LOC400499: variants seen among roughly 807,000 people sequenced by gnomAD.
the LOC400499 span, among the ~76,000 whole-genome samples, chr16:11,487,099 A>G: frequency 6.6e-6 from 1 of 151,952 alleles, no homozygotes; most frequent in East Asian, 1.9e-4. Flanking sequence ...GAATTGATAG[A>G]TGTATGGACA....
chr16:11,442,083 C>A, the LOC400499 span: 82,222 of 152,080 alleles, frequency 0.54, 22,618 homozygotes, highest in South Asian at 0.63. Context: ...GTTAAAAATG[C>A]CTGCCAAGGA....
the LOC400499 span, among the ~76,000 whole-genome samples, chr16:11,389,427 A>G: frequency 2.2e-4 from 34 of 152,298 alleles, no homozygotes; most frequent in African/African-American, 7.0e-4. Flanking sequence ...CATGCCTCTA[A>G]TCCCAACACT....
chr16:11,427,111 A>C, the LOC400499 span, among the ~76,000 whole-genome samples: 3 of 151,796 alleles, frequency 2.0e-5, no homozygotes, highest in African/African-American at 7.3e-5. Flanking sequence ...TAATCCCAGC[A>C]CTTTGGGAGG....
chr16:11,378,259 T>C, the LOC400499 span, among the ~76,000 whole-genome samples: 6 of 126,458 alleles, frequency 4.7e-5, no homozygotes, highest in East Asian at 6.3e-4. Context: ...TTCTTTTTTT[T>C]TTTTTTTGCC....
the LOC400499 span, among the ~76,000 whole-genome samples, chr16:11,432,009 C>T: frequency 6.6e-6 from 1 of 152,200 alleles, no homozygotes; most frequent in African/African-American, 2.4e-5. Context: ...AGAAGTCTGA[C>T]CAGCCTGAGA....
the LOC400499 span, among the ~76,000 whole-genome samples, chr16:11,434,062 G>A: frequency 6.6e-6 from 1 of 152,194 alleles, no homozygotes; most frequent in South Asian, 2.1e-4. Context: ...GGGAGGACAG[G>A]AAGGGTCTAT....
chr16:11,504,501 C>T, the LOC400499 span, among the ~76,000 whole-genome samples: 1 of 151,982 alleles, frequency 6.6e-6, no homozygotes, highest in South Asian at 2.1e-4. Flanking sequence ...TTGCAGTGAG[C>T]CGAGATTACG....
At chr16:11,468,887 A>G in the LOC400499 span, among the ~76,000 whole-genome samples, 83 of 152,338 alleles carry the variant, frequency 5.4e-4, no homozygotes, top group Non-Finnish European at 9.6e-4. Flanking sequence ...TCGACCTCCC[A>G]AAATGCTGGG....
At chr16:11,391,972 C>T in the LOC400499 span, 2 of 473,662 alleles carry the variant, frequency 4.2e-6, no homozygotes, top group Non-Finnish European at 3.4e-6. Flanking sequence ...GGGACCTCTC[C>T]AACCTGAGCC....
chr16:11,470,449 G>A, the LOC400499 span, among the ~76,000 whole-genome samples: 8 of 152,076 alleles, frequency 5.3e-5, no homozygotes, highest in Admixed American at 6.6e-5. Flanking sequence ...ATCTTCCCTC[G>A]GCCTTTCCTA....
At chr16:11,497,669 C>T in the LOC400499 span, among the ~76,000 whole-genome samples, 2 of 152,226 alleles carry the variant, frequency 1.3e-5, no homozygotes, top group African/African-American at 4.8e-5. Context: ...ACAACTGGGC[C>T]AGCATGAGGC....
At chr16:11,461,435 G>T in the LOC400499 span, among the ~76,000 whole-genome samples, 1 of 152,196 alleles carries the variant, frequency 6.6e-6, no homozygotes, top group Non-Finnish European at 1.5e-5. Flanking sequence ...TGCCCAGGCT[G>T]GTCTTAAACT....
the LOC400499 span, chr16:11,476,980 G>C: frequency 5.0e-6 from 2 of 399,280 alleles, no homozygotes; most frequent in East Asian, 7.1e-5. Context: ...TGCATCCCGA[G>C]GGCCCTGGGG....
chr16:11,399,693 C>T, the LOC400499 span: 1 of 398,742 alleles, frequency 2.5e-6, no homozygotes, highest in African/African-American at 2.1e-5. Flanking sequence ...GCGGTCAGGC[C>T]CCACATACCT....
chr16:11,477,159 T>A, the LOC400499 span, among the ~76,000 whole-genome samples: 3 of 152,218 alleles, frequency 2.0e-5, no homozygotes, highest in East Asian at 5.8e-4. Context: ...CTCAGAGAGG[T>A]GAAAGCACCT....
chr16:11,457,717 A>G, the LOC400499 span, among the ~76,000 whole-genome samples: 630 of 152,262 alleles, frequency 4.1e-3, 9 homozygotes, highest in African/African-American at 0.014. Context: ...TTGCACACTC[A>G]CGTTCATAAC....
the LOC400499 span, among the ~76,000 whole-genome samples, chr16:11,520,078 G>C: frequency 2.8e-3 from 429 of 152,274 alleles, 2 homozygotes; most frequent in African/African-American, 9.6e-3. Flanking sequence ...GAGGGGACTA[G>C]AGTCTGCAGG....
the LOC400499 span, chr16:11,448,832 T>C: frequency 1.7e-6 from 2 of 1,173,640 alleles, no homozygotes; most frequent in Non-Finnish European, 2.3e-6. Context: ...CACAAAGCCC[T>C]TTTCCATCCG....
the LOC400499 span, among the ~76,000 whole-genome samples, chr16:11,433,273 A>C: frequency 3.3e-5 from 5 of 152,180 alleles, no homozygotes; most frequent in Admixed American, 6.5e-5. Flanking sequence ...GACTGGGGAT[A>C]AGGATGGGCA....
Sources: allele counts gnomAD v4.1 joint callset (sites outside exome capture counted in the v4.1 genomes callset), GRCh38; gene constraint gnomAD v4.1.1; transcripts MANE v1.5.